Variants in ZNF215 observed in about 807,000 individuals in gnomAD.
ZNF215 encodes BWSCR2-associated zinc finger protein 2.
ZNF215 carries 24 observed loss-of-function variants against 27.2 expected under a neutral mutation model. That is an observed-to-expected ratio of 0.88 (90% CI 0.64 to 1.24). ZNF215 has a LOEUF of 1.24. Among genes scored for constraint, ZNF215 ranks in the 50% most tolerant of loss-of-function variants. The probability of loss-of-function intolerance (pLI) is 0.00; values close to 1 mark genes in which losing one functional copy is unlikely to be tolerated. For missense variants in ZNF215, 675 were observed against 605.7 expected, an observed-to-expected ratio of 1.11 and a Z score of -1.20; for synonymous variants, 210 against 204.0, an observed-to-expected ratio of 1.03 and a Z score of -0.25.
chr11:6,973,420 G>A (rs940513922), intron 5 of ZNF215, among the ~76,000 whole-genome samples: 1 of 152,154 alleles, frequency 6.6e-6, no homozygotes, highest in Admixed American at 6.5e-5. Context: ...CCAGTAATGG[G>A]ATGGCTGGGT....
chr11:6,942,633 C>G (rs1849668119), intron 4 of ZNF215, among the ~76,000 whole-genome samples: 1 of 152,180 alleles, frequency 6.6e-6, no homozygotes, highest in Non-Finnish European at 1.5e-5. Flanking sequence ...TAAGAGTTAT[C>G]AGGCAGCATT....
chr11:6,948,720 G>C (rs1329603128), intron 6 of ZNF215, among the ~76,000 whole-genome samples: 1 of 151,966 alleles, frequency 6.6e-6, no homozygotes, highest in Non-Finnish European at 1.5e-5. Context: ...GAAGTTACAA[G>C]AAAAAAGTCA....
At chr11:6,946,328 A>G (rs904212962) in intron 6 of ZNF215, among the ~76,000 whole-genome samples, 1 of 152,170 alleles carries the variant, frequency 6.6e-6, no homozygotes, top group African/African-American at 2.4e-5. Context: ...ATTTCACAAC[A>G]TTCTATTCTC....
intron 6 of ZNF215, among the ~76,000 whole-genome samples, chr11:6,952,896 T>C (rs959281880): frequency 2.6e-5 from 4 of 151,852 alleles, no homozygotes; most frequent in African/African-American, 7.2e-5. Context: ...CCATGTTTAG[T>C]GCTTCCTTCA....
intron 3 of ZNF215, among the ~76,000 whole-genome samples, chr11:6,940,876 G>T (rs1352338344): frequency 6.6e-6 from 1 of 152,180 alleles, no homozygotes; most frequent in South Asian, 2.1e-4. Flanking sequence ...TTGAATAAAT[G>T]TAATGTTTTA....
chr11:6,950,610 T>C (rs1590064231), intron 6 of ZNF215, among the ~76,000 whole-genome samples: 1 of 151,296 alleles, frequency 6.6e-6, no homozygotes, highest in African/African-American at 2.4e-5. Flanking sequence ...TGAAGTTGCT[T>C]ATCAGCTTAA....
chr11:6,933,680 A>G (rs992540314), intron 3 of ZNF215, among the ~76,000 whole-genome samples: 1 of 151,860 alleles, frequency 6.6e-6, no homozygotes, highest in Admixed American at 6.6e-5. Flanking sequence ...CTGTAGTCCC[A>G]GCTACTAGGG....
At chr11:6,952,295 T>G (rs1289620526) in intron 6 of ZNF215, among the ~76,000 whole-genome samples, 1 of 152,124 alleles carries the variant, frequency 6.6e-6, no homozygotes, top group Non-Finnish European at 1.5e-5. Flanking sequence ...TCCTTGTTAA[T>G]TTTCTGTCTT....
chr11:6,966,070 A>G (rs1850612503), intron 5 of ZNF215, among the ~76,000 whole-genome samples: 1 of 152,178 alleles, frequency 6.6e-6, no homozygotes, highest in Non-Finnish European at 1.5e-5. Flanking sequence ...GTTTTAAATT[A>G]TGAAATCTAT....
rs1850377003 is a variant in ZNF215, at chr11:6,956,770, C to A, written c.*239C>A. ...CTTTGGAGTTAAACCACAGTATCAC[C>A]ATACAAGTATTTGTTTATCATTATT... On this transcript the variant is annotated 3_prime_UTR_variant, in exon 7 of 7. Transcript: ENST00000278319. The A allele has an allele frequency of 2.3e-6, 3 of 1,286,700 alleles. No homozygotes were observed. The highest frequency in any genetic ancestry group is 2.9e-6 in the Non-Finnish European group (3 of 1,020,438). 79.7% of individuals were successfully genotyped at this position (1,286,700 alleles called of 1,614,324 possible). A position where few individuals can be genotyped will look rare whatever the true frequency, so the allele number is the denominator to read the frequency against.
Position 6,957,853 on chromosome 11 carries a change from G to T in ZNF215, c.*1322G>T. 1 of 985,384 alleles carries T rather than the reference G, an allele frequency of 1.0e-6. No homozygotes were observed. The allele number at this position is 985,384 out of a possible 1,614,324, so 61.0% of individuals were successfully genotyped here. On this transcript the variant is annotated 3_prime_UTR_variant, in exon 7 of 7. Transcript: ENST00000278319. Reference sequence around the variant, plus strand: ...CCTATACTCTGTACACCAGAACTGTGTCTTCTGTAAACTACCTCAGGATCC... The same window carrying T: ...CCTATACTCTGTACACCAGAACTGTTTCTTCTGTAAACTACCTCAGGATCC...
At chr11:6,988,339 T>G (rs765958626), downstream of ZNF215, 59 of 828,274 alleles carry the variant, frequency 7.1e-5, no homozygotes, top group Non-Finnish European at 8.4e-5. Flanking sequence ...CTCTCATTTG[T>G]GTCTGGATTA....
intron 6 of ZNF215, among the ~76,000 whole-genome samples, chr11:6,955,274 A>C (rs1015795735): frequency 6.6e-6 from 1 of 152,180 alleles, no homozygotes. Context: ...CATGTTCTTA[A>C]AATTATTACT....
downstream of ZNF215, among the ~76,000 whole-genome samples, chr11:6,962,757 G>A (rs967685423): frequency 3.9e-5 from 6 of 152,012 alleles, no homozygotes; most frequent in South Asian, 6.2e-4. Context: ...AGAAATTCTG[G>A]AAAATGGACA....
intron 3 of ZNF215, among the ~76,000 whole-genome samples, chr11:6,935,179 AAG>A (rs1216151001): frequency 6.6e-6 from 1 of 152,228 alleles, no homozygotes; most frequent in Admixed American, 6.5e-5. Flanking sequence ...TTGAGGGAAT[AAG>A]GGATTTTGAA....
intron 3 of ZNF215, among the ~76,000 whole-genome samples, chr11:6,934,702 T>C (rs1440309997): frequency 6.6e-6 from 1 of 152,218 alleles, no homozygotes; most frequent in African/African-American, 2.4e-5. Context: ...TCAGGATTCA[T>C]GTAATTAGGT....
At chr11:6,971,632 GAAGAA>G (rs1256828757) in intron 5 of ZNF215, among the ~76,000 whole-genome samples, 1 of 152,118 alleles carries the variant, frequency 6.6e-6, no homozygotes, top group Non-Finnish European at 1.5e-5. Flanking sequence ...AAGGAGTAGA[GAAGAA>G]AAGTGAGAAT....
chr11:6,936,549 C>T (rs775126171), intron 3 of ZNF215, among the ~76,000 whole-genome samples: 1 of 151,986 alleles, frequency 6.6e-6, no homozygotes, highest in Non-Finnish European at 1.5e-5. Context: ...CTGGTAAATT[C>T]TACTACACTT....
intron 3 of ZNF215, among the ~76,000 whole-genome samples, chr11:6,934,070 A>T (rs1849357425): frequency 1.3e-5 from 2 of 152,142 alleles, no homozygotes; most frequent in African/African-American, 4.8e-5. Context: ...TCGATTGGGG[A>T]CAGTGATTAT....
Sources: gnomAD v4.1 joint callset for allele counts (sites outside exome capture counted in the v4.1 genomes callset) on GRCh38, gnomAD v4.1.1 for gene constraint, MANE v1.5 for transcripts, NCBI Gene and HGNC (gene_info 2026-07-23, HGNC 2026-07-21) for gene names.